PGRMC2: variants seen among roughly 807,000 people sequenced by gnomAD.
PGRMC2 encodes the protein membrane-associated progesterone receptor component 2.
Under a neutral mutation model 19.3 loss-of-function variants are expected in PGRMC2, and 9 were observed. That is an observed-to-expected ratio of 0.47 (90% CI 0.28 to 0.81). The LOEUF is 0.81. PGRMC2 is among the 40% of genes least tolerant of loss of function. The pLI is 0.11. For synonymous variants in PGRMC2, 157 were observed against 124.6 expected (o/e 1.26, Z -1.73); for missense variants, 289 against 297.3 (o/e 0.97, Z 0.21).
chr4:128,273,442 A>T (rs1760762447), intron 1 of PGRMC2, among the ~76,000 whole-genome samples: 1 of 152,186 alleles, frequency 6.6e-6, no homozygotes. Context: ...CCTGGCATAA[A>T]GTAGGAACGT....
chr4:128,285,411 G>C (rs1462631072), intron 1 of PGRMC2, among the ~76,000 whole-genome samples: 1 of 152,222 alleles, frequency 6.6e-6, no homozygotes, highest in Admixed American at 6.5e-5. Context: ...TTACAGGCAT[G>C]AACCACCACG....
In PGRMC2 at chr4:128,287,606, G is replaced by A. The variant is rs41298557; in HGVS notation, c.185C>T (p.Ala62Val). 7.4e-6 allele frequency: 11 copies of A among 1,491,264 alleles called. No individual in the cohort carries two copies. The East Asian group carries it at 2.2e-4, about 29-fold the overall frequency. 92.4% of individuals were successfully genotyped at this position (1,491,264 alleles called of 1,614,324 possible). A position where few individuals can be genotyped will look rare whatever the true frequency, so the allele number is the denominator to read the frequency against. Residue 62 changes from alanine (A) to valine (V), a missense_variant, in exon 1 of 3, where the codon GCT (alanine) becomes GTT (valine). Coordinates refer to ENST00000296425, the MANE Select transcript of PGRMC2 (RefSeq NM_006320.6). ...CCGGTAGGCCCCCAGCAGCACCAGA[G>A]CCACCAGCGCCACGTTCAGCAGCAT... ...GEMLLNVALV[A>V]LVLLGAYRLW... is the part of the protein sequence containing the mutation.
chr4:128,269,511 CAA>C lies in PGRMC2; in HGVS notation c.*1803_*1804del, dbSNP rs1760693194. The C allele has an allele frequency of 6.6e-6, 1 of 152,064 alleles. No individual in the cohort carries two copies. The allele number at this position is 152,064 out of a possible 1,614,324, so 9.4% of individuals were successfully genotyped here. A position where few individuals can be genotyped will look rare whatever the true frequency, so the allele number is the denominator to read the frequency against. ...CCAACACTCCACAACCAGTCTTCAG[CAA>C]AGATTTGGCTGAAGATAACTTTCTA... On this transcript the variant is annotated 3_prime_UTR_variant, in exon 3 of 3. Transcript: ENST00000296425.
chr4:128,281,848 C>T (rs1427981244), intron 1 of PGRMC2, among the ~76,000 whole-genome samples: 1 of 152,110 alleles, frequency 6.6e-6, no homozygotes, highest in Non-Finnish European at 1.5e-5. Context: ...TGGCTTTGCT[C>T]GGTATAGAAA....
chr4:128,275,339 T>C (rs1228120470), intron 1 of PGRMC2, among the ~76,000 whole-genome samples: 1 of 152,214 alleles, frequency 6.6e-6, no homozygotes, highest in Non-Finnish European at 1.5e-5. Context: ...CCTCCATCTT[T>C]GAGTATATTA....
chr4:128,276,248 A>G (rs1351985589), intron 1 of PGRMC2, among the ~76,000 whole-genome samples: 2 of 152,186 alleles, frequency 1.3e-5, no homozygotes, highest in African/African-American at 4.8e-5. Context: ...ATACTTGGCT[A>G]TTCATAATAC....
rs147459975 is a variant in PGRMC2, at chr4:128,276,490, T to C, written c.419-3973A>G. 4.0e-3 allele frequency among the ~76,000 whole-genome samples: 616 copies of C among 152,284 alleles called. 6 individuals carry two copies. Among genetic ancestry groups the C allele is most frequent in the African/African-American group, 0.014 (589 of 41,552 alleles). ...TGTGGCACCACGCCCAGCTAATTTT[T>C]ATATTTTTGGTAGAGAGGGGGTTTC... On this transcript the variant is annotated intron_variant, in intron 1 of 2. Transcript: ENST00000296425.
chr4:128,287,426 G>A lies in PGRMC2; in HGVS notation c.365C>T (p.Ala122Val), dbSNP rs1761001369. ...DGSRNPRILLAVNGKVFDVTK... is the reference protein window; with the variant it reads ...DGSRNPRILLVVNGKVFDVTK... ...CACGTCGAAGACTTTCCCATTGACC[G>A]CGAGCAGGATGCGCGGGTTGCGGGA... Residue 122 changes from alanine (A) to valine (V), a missense_variant, in exon 1 of 3, where the codon GCG (alanine) becomes GTG (valine). Ala to Val is a moderately conservative substitution (Grantham distance 64). Coordinates refer to ENST00000296425, the MANE Select transcript of PGRMC2 (RefSeq NM_006320.6). 3 of 1,612,880 alleles carry A rather than the reference G, an allele frequency of 1.9e-6. No individual in the cohort carries two copies. The highest frequency in any genetic ancestry group is 1.3e-5 in the African/African-American group (1 of 74,826).
chr4:128,278,800 T>G (rs1000068824), intron 1 of PGRMC2, among the ~76,000 whole-genome samples: 1 of 151,920 alleles, frequency 6.6e-6, no homozygotes, highest in Admixed American at 6.6e-5. Flanking sequence ...CTTTGTGTGG[T>G]TCAAAAAAAC....
chr4:128,282,689 G>C (rs1483410797), intron 1 of PGRMC2, among the ~76,000 whole-genome samples: 2 of 152,230 alleles, frequency 1.3e-5, no homozygotes, highest in African/African-American at 4.8e-5. Context: ...AAAGCAAGAA[G>C]CTGGGATGAG....
At chr4:128,285,749 T>C (rs1415064605) in intron 1 of PGRMC2, among the ~76,000 whole-genome samples, 1 of 152,164 alleles carries the variant, frequency 6.6e-6, no homozygotes, top group African/African-American at 2.4e-5. Context: ...TTAAAAAAAA[T>C]TTACTTCGCT....
chr4:128,287,023 C>T (rs997971079), intron 1 of PGRMC2: 4 of 375,144 alleles, frequency 1.1e-5, no homozygotes, highest in African/African-American at 6.2e-5. Flanking sequence ...GGTTAAGGGC[C>T]AGCGTTGACC....
At chr4:128,271,492 C>T (rs1176688082) in intron 2 of PGRMC2, 79 bp from the exon 3 acceptor site, 2 of 692,688 alleles carry the variant, frequency 2.9e-6, no homozygotes, top group Non-Finnish European at 5.1e-6. Context: ...AGGCATTTGT[C>T]TGTTTTAGAA....
intron 1 of PGRMC2, among the ~76,000 whole-genome samples, chr4:128,283,680 C>G (rs1760942088): frequency 7.0e-6 from 1 of 142,938 alleles, no homozygotes; most frequent in Admixed American, 7.2e-5. Context: ...TTTTTTGAGA[C>G]AGAGTCTCGT....
chr4:128,272,337 A>C (rs770444207), intron 2 of PGRMC2, 25 bp downstream of exon 2: 1 of 1,400,902 alleles, frequency 7.1e-7, no homozygotes, highest in Non-Finnish European at 9.4e-7. Flanking sequence ...TTAATTTTCC[A>C]AAGAATCCAA....
At chr4:128,282,253 A>G (rs922255460) in intron 1 of PGRMC2, among the ~76,000 whole-genome samples, 18 of 152,218 alleles carry the variant, frequency 1.2e-4, no homozygotes, top group Admixed American at 1.0e-3. Flanking sequence ...CTATTATTAA[A>G]GATCCTGAGA....
chr4:128,276,953 G>A (rs1475689369), intron 1 of PGRMC2, among the ~76,000 whole-genome samples: 1 of 152,090 alleles, frequency 6.6e-6, no homozygotes, highest in Non-Finnish European at 1.5e-5. Flanking sequence ...TCAGGAGATC[G>A]TGACCATCCT....
In PGRMC2 at chr4:128,270,547, A is replaced by C. The variant is rs1760711845; in HGVS notation, c.*769T>G. 1 of 152,522 alleles carries C rather than the reference A, an allele frequency of 6.6e-6. No homozygotes were observed. The allele number at this position is 152,522 out of a possible 1,614,324, so 9.4% of individuals were successfully genotyped here. A position where few individuals can be genotyped will look rare whatever the true frequency, so the allele number is the denominator to read the frequency against. On this transcript the variant is annotated 3_prime_UTR_variant, in exon 3 of 3. Coordinates refer to ENST00000296425, the MANE Select transcript of PGRMC2 (RefSeq NM_006320.6). Reference sequence around the variant, plus strand: ...GCTTGTAGTGATTTCTGAATTCATTATAGGGGCTTTCCCTAAAAATAATTC... The same window carrying C: ...GCTTGTAGTGATTTCTGAATTCATTCTAGGGGCTTTCCCTAAAAATAATTC...
At chr4:128,282,008 C>T (rs528081840) in intron 1 of PGRMC2, among the ~76,000 whole-genome samples, 87 of 152,262 alleles carry the variant, frequency 5.7e-4, no homozygotes, top group African/African-American at 1.9e-3. Context: ...TAAATAAAGT[C>T]CTTTGTTACC....
Sources: gnomAD v4.1 joint callset for allele counts (sites outside exome capture counted in the v4.1 genomes callset) on GRCh38, gnomAD v4.1.1 for gene constraint, MANE v1.5 for transcripts, NCBI Gene and HGNC (gene_info 2026-07-23, HGNC 2026-07-21) for gene names.